The following RTL4 variants were observed in gnomAD, a reference collection of about 807,000 sequenced individuals.
RTL4 encodes the protein retrotransposon Gag-like protein 4.
In RTL4, 4 loss-of-function variants were observed where a neutral mutation model predicts 5.3. The observed-to-expected ratio is 0.75, with a 90% confidence interval of 0.37 to 1.72. The LOEUF is 1.72. RTL4 is among the 40% of genes most tolerant of loss of function. The pLI, the probability that RTL4 is intolerant of heterozygous loss-of-function variation, is 0.04. For missense variants in RTL4, 260 were observed against 227.1 expected (o/e 1.14, Z -0.93); for synonymous variants, 98 against 87.3 (o/e 1.12, Z -0.68).
At chrX:112,138,668 T>C in the RTL4 span, among the ~76,000 whole-genome samples, 2 of 111,733 alleles carry the variant, frequency 1.8e-5, no homozygotes, top group Admixed American at 9.6e-5. Context: ...TTTCAGGTCA[T>C]TTGTATTTGC....
the RTL4 span, among the ~76,000 whole-genome samples, chrX:112,279,832 T>C: frequency 9.0e-6 from 1 of 111,670 alleles, no homozygotes; most frequent in African/African-American, 3.3e-5. Context: ...TTTTGACAAC[T>C]GGAGAAAGTT....
the RTL4 span, among the ~76,000 whole-genome samples, chrX:112,369,733 C>T: frequency 2.3e-3 from 254 of 112,049 alleles, no homozygotes; most frequent in Non-Finnish European, 3.8e-3. Context: ...TGCTTTAATA[C>T]GATTCCTTTG....
chrX:112,283,457 T>A, the RTL4 span, among the ~76,000 whole-genome samples: 1 of 110,970 alleles, frequency 9.0e-6, no homozygotes, highest in African/African-American at 3.3e-5. Flanking sequence ...CTATCAAGAG[T>A]ATAAATCATT....
chrX:112,189,938 CA>C, the RTL4 span, among the ~76,000 whole-genome samples: 1 of 111,521 alleles, frequency 9.0e-6, no homozygotes, highest in Non-Finnish European at 1.9e-5. Context: ...TCAGTTATCT[CA>C]AAAAACTTTA....
chrX:112,145,373 C>T, the RTL4 span, among the ~76,000 whole-genome samples: 1 of 111,467 alleles, frequency 9.0e-6, no homozygotes, highest in Admixed American at 9.5e-5. Context: ...ACAAGTTCTT[C>T]CCTGACTTTC....
chrX:112,264,172 T>A, the RTL4 span, among the ~76,000 whole-genome samples: 1 of 111,969 alleles, frequency 8.9e-6, no homozygotes, highest in South Asian at 3.8e-4. Flanking sequence ...TGACGACTGC[T>A]ACTACTACTA....
chrX:112,366,294 T>C, the RTL4 span, among the ~76,000 whole-genome samples: 759 of 111,679 alleles, frequency 6.8e-3, 10 homozygotes, highest in African/African-American at 0.024. Context: ...AGTAGAAATG[T>C]TCAGGAAAGA....
the RTL4 span, among the ~76,000 whole-genome samples, chrX:112,290,988 C>T: frequency 5.4e-5 from 6 of 111,998 alleles, no homozygotes; most frequent in East Asian, 1.7e-3. Context: ...ATCTAAAATA[C>T]ATTCCCTTAT....
chrX:112,191,766 A>G, the RTL4 span, among the ~76,000 whole-genome samples: 7 of 111,883 alleles, frequency 6.3e-5, no homozygotes, highest in East Asian at 2.0e-3. Flanking sequence ...TGTTATACTC[A>G]GTGAACTCAT....
the RTL4 span, among the ~76,000 whole-genome samples, chrX:112,289,903 G>A: frequency 9.0e-6 from 1 of 111,299 alleles, no homozygotes; most frequent in Non-Finnish European, 1.9e-5. Flanking sequence ...ATAAAGCTAA[G>A]GCACAGAGCG....
At chrX:112,111,739 G>A in the RTL4 span, among the ~76,000 whole-genome samples, 38 of 112,363 alleles carry the variant, frequency 3.4e-4, no homozygotes, top group South Asian at 0.014. Flanking sequence ...GGCATAACCT[G>A]CCTTTCATAT....
the RTL4 span, among the ~76,000 whole-genome samples, chrX:112,110,439 A>G: frequency 9.0e-6 from 1 of 111,398 alleles, no homozygotes; most frequent in Non-Finnish European, 1.9e-5. Context: ...GCCATTCCTA[A>G]CCCTATAAGT....
the RTL4 span, among the ~76,000 whole-genome samples, chrX:112,207,348 C>T: frequency 9.0e-6 from 1 of 111,560 alleles, no homozygotes; most frequent in Non-Finnish European, 1.9e-5. Context: ...CACACCCTAT[C>T]TAAAATAGTT....
At chrX:112,128,713 A>G in the RTL4 span, among the ~76,000 whole-genome samples, 1 of 108,946 alleles carries the variant, frequency 9.2e-6, no homozygotes, top group African/African-American at 3.3e-5. Context: ...CCTACCTTCT[A>G]TTATGTACAA....
At chrX:112,142,488 TCTC>T in the RTL4 span, among the ~76,000 whole-genome samples, 3 of 112,223 alleles carry the variant, frequency 2.7e-5, no homozygotes, top group African/African-American at 9.7e-5. Context: ...TCTGGAACCA[TCTC>T]CTTCTTCCCC....
chrX:112,211,243 C>A, the RTL4 span, among the ~76,000 whole-genome samples: 2 of 111,874 alleles, frequency 1.8e-5, no homozygotes, highest in Non-Finnish European at 3.8e-5. Flanking sequence ...TTTTTCATAG[C>A]AGAGCCACAG....
chrX:112,147,186 TCAAA>T, the RTL4 span, among the ~76,000 whole-genome samples: 1 of 109,510 alleles, frequency 9.1e-6, no homozygotes, highest in Non-Finnish European at 1.9e-5. Flanking sequence ...CCCTCTCATC[TCAAA>T]CAAAAGTAAG....
chrX:112,143,690 G>A, the RTL4 span, among the ~76,000 whole-genome samples: 1 of 111,492 alleles, frequency 9.0e-6, no homozygotes, highest in Non-Finnish European at 1.9e-5. Context: ...TTGGTAAGAG[G>A]TCCACCTACT....
the RTL4 span, among the ~76,000 whole-genome samples, chrX:112,253,811 C>T: frequency 3.6e-5 from 4 of 112,196 alleles, no homozygotes; most frequent in East Asian, 2.8e-4. Context: ...TGCTAAGTTA[C>T]GCCTCTACCC....
Sources: allele counts gnomAD v4.1 joint callset (sites outside exome capture counted in the v4.1 genomes callset), GRCh38; gene constraint gnomAD v4.1.1; transcripts MANE v1.5; gene names NCBI Gene and HGNC (gene_info 2026-07-23, HGNC 2026-07-21).